Variants in CBFA2T2 observed in about 807,000 individuals in gnomAD.
The protein encoded by CBFA2T2 is CBFA2/RUNX1 partner transcriptional co-repressor 2.
Under a neutral mutation model 62.2 loss-of-function variants are expected in CBFA2T2, and 11 were observed. The observed-to-expected ratio is 0.18, with a 90% CI of 0.11 to 0.29. The LOEUF (loss-of-function observed/expected upper bound fraction) is 0.29. Among genes scored for constraint, CBFA2T2 ranks in the 10% least tolerant of loss-of-function variants. The probability of loss-of-function intolerance (pLI) is 1.00; values close to 1 mark genes in which losing one functional copy is unlikely to be tolerated. For missense variants in CBFA2T2, 592 were observed against 774.1 expected (o/e 0.76, Z 2.79); for synonymous variants, 295 against 287.5 (o/e 1.03, Z -0.27).
At chr20:33,619,950 AGT>A (rs1195757348) in intron 4 of CBFA2T2, among the ~76,000 whole-genome samples, 1 of 152,136 alleles carries the variant, frequency 6.6e-6, no homozygotes, top group Non-Finnish European at 1.5e-5. Context: ...GTATAGTCAG[AGT>A]GTGAAGAGTG....
chr20:33,585,897 A>G (rs2014345960), intron 1 of CBFA2T2, among the ~76,000 whole-genome samples: 1 of 152,212 alleles, frequency 6.6e-6, no homozygotes, highest in Admixed American at 6.5e-5. Flanking sequence ...GGTTGAGGAA[A>G]TGTGGGGAAA....
In CBFA2T2 at chr20:33,636,283, G is replaced by A. The variant is rs181015378; in HGVS notation, c.1229-357G>A. On this transcript the variant is annotated intron_variant, in intron 8 of 10. Transcript: ENST00000342704. The stretch of plus-strand genomic sequence containing the variant: ...CAAAAAAAAAAAAAAAAAAAAATCT[G>A]TGTGCATTTATGTTTTATACATTTA... Among the ~76,000 whole-genome samples the A allele has an allele frequency of 1.9e-3, 280 of 149,760 alleles. 1 individual carries two copies. The highest frequency in any genetic ancestry group is 3.0e-3 in the Non-Finnish European group (202 of 67,416).
At chr20:33,535,595 G>C (rs2012183261) in intron 1 of CBFA2T2, among the ~76,000 whole-genome samples, 1 of 141,174 alleles carries the variant, frequency 7.1e-6, no homozygotes, top group African/African-American at 3.0e-5. Flanking sequence ...GGCATGGATT[G>C]AGTTTTATTT....
intron 9 of CBFA2T2, chr20:33,639,583 AAAAG>A (rs1257930844): frequency 6.8e-6 from 1 of 147,218 alleles, no homozygotes; most frequent in Non-Finnish European, 1.5e-5. Context: ...CAAAAAAAAA[AAAAG>A]AAAATAAGTT....
intron 5 of CBFA2T2, 52 bp downstream of exon 5, chr20:33,623,348 C>T (rs372314464): frequency 9.5e-6 from 15 of 1,585,874 alleles, no homozygotes; most frequent in Non-Finnish European, 1.3e-5. Flanking sequence ...CACTGGTCCT[C>T]CCCTTTGCTT....
chr20:33,539,081 A>G (rs909488726), intron 1 of CBFA2T2, among the ~76,000 whole-genome samples: 4 of 152,156 alleles, frequency 2.6e-5, no homozygotes, highest in Admixed American at 6.5e-5. Context: ...CCCACTTAAA[A>G]TTATAGTTGG....
intron 1 of CBFA2T2, among the ~76,000 whole-genome samples, chr20:33,553,600 C>T (rs2012801461): frequency 6.6e-6 from 1 of 152,170 alleles, no homozygotes; most frequent in African/African-American, 2.4e-5. Context: ...CGATCTCTGT[C>T]CCAACCCTGC....
chr20:33,496,361 C>T (rs1413606392), intron 1 of CBFA2T2, among the ~76,000 whole-genome samples: 1 of 152,240 alleles, frequency 6.6e-6, no homozygotes, highest in Non-Finnish European at 1.5e-5. Context: ...GAACTTTTCA[C>T]ACCACCACAG....
intron 1 of CBFA2T2, among the ~76,000 whole-genome samples, chr20:33,532,582 A>G (rs2012093540): frequency 6.6e-6 from 1 of 152,244 alleles, no homozygotes; most frequent in Non-Finnish European, 1.5e-5. Context: ...GTCTCTTTGA[A>G]TGTTCACTAT....
rs375818342 is a variant in CBFA2T2 at position 33,624,742 on chromosome 20, C to G, written c.693-22C>G. On this transcript the variant is annotated intron_variant, in intron 5 of 10. Transcript: ENST00000342704. The stretch of plus-strand genomic sequence containing the variant: ...GAACACTTGTTGACAGGATCAGATA[C>G]GCACTTCTGCTTCTTCTACAGGAGA... The G allele has an allele frequency of 1.9e-6, 3 of 1,612,086 alleles. No homozygotes were observed. The South Asian group carries it at 3.3e-5, about 18-fold the overall frequency.
At chr20:33,538,356 T>C (rs1242294092) in intron 1 of CBFA2T2, among the ~76,000 whole-genome samples, 1 of 152,058 alleles carries the variant, frequency 6.6e-6, no homozygotes, top group Admixed American at 6.6e-5. Context: ...GGAGATTCCA[T>C]TGGATTTTCT....
chr20:33,518,354 A>C (rs1300939582), intron 1 of CBFA2T2, among the ~76,000 whole-genome samples: 1 of 152,150 alleles, frequency 6.6e-6, no homozygotes, highest in East Asian at 1.9e-4. Context: ...TTGTGGGATA[A>C]AATTAAATAT....
intron 1 of CBFA2T2, among the ~76,000 whole-genome samples, chr20:33,527,630 C>T (rs113722756): frequency 0.051 from 7,695 of 152,118 alleles, 513 homozygotes; most frequent in Admixed American, 0.16. Context: ...GTCTCAGGCT[C>T]CCAAAATGCT....
rs574169181 is a variant in CBFA2T2, at chr20:33,521,797, A to C, written c.34+31496A>C. ...GTCTGGATAGTAACAGCAAAATTGAACAAAAAAAGATGTAAATTTGAGCTG... is the reference window on the plus strand; with the variant it reads ...GTCTGGATAGTAACAGCAAAATTGACCAAAAAAAGATGTAAATTTGAGCTG... On this transcript the variant is annotated intron_variant, in intron 1 of 10. Coordinates refer to ENST00000342704, the MANE Select transcript of CBFA2T2 (RefSeq NM_001032999.3). 2.2e-4 allele frequency among the ~76,000 whole-genome samples: 34 copies of C among 151,840 alleles called. No individual in the cohort carries two copies. In the South Asian group the frequency reaches 7.1e-3, roughly 32 times the overall value.
intron 8 of CBFA2T2, among the ~76,000 whole-genome samples, chr20:33,631,128 C>T (rs2016433505): frequency 1.3e-5 from 2 of 152,106 alleles, no homozygotes; most frequent in African/African-American, 4.8e-5. Flanking sequence ...TCCTGGCTAA[C>T]ACGGTGAAAC....
chr20:33,529,548 A>T (rs2011985411), intron 1 of CBFA2T2, among the ~76,000 whole-genome samples: 1 of 151,466 alleles, frequency 6.6e-6, no homozygotes. Context: ...AGGCAGGTGA[A>T]TCTCTTGAGC....
intron 1 of CBFA2T2, chr20:33,573,908 A>G (rs6579116): frequency 0.073 from 21,286 of 291,622 alleles, 3,486 homozygotes; most frequent in African/African-American, 0.37. Context: ...AGCCTCCCGA[A>G]TAGCTAGGAC....
At chr20:33,599,950 G>T (rs1291229089) in intron 1 of CBFA2T2, among the ~76,000 whole-genome samples, 1 of 151,978 alleles carries the variant, frequency 6.6e-6, no homozygotes, top group African/African-American at 2.4e-5. Flanking sequence ...TAAATTGTTT[G>T]TCATTATAAA....
chr20:33,640,605 T>C (rs1163804110), intron 10 of CBFA2T2, 74 bp downstream of exon 10: 27 of 1,400,222 alleles, frequency 1.9e-5, no homozygotes, highest in Non-Finnish European at 2.4e-5. Context: ...TCTCATACGC[T>C]GGGCAGGAAG....
Sources: allele counts gnomAD v4.1 joint callset (sites outside exome capture counted in the v4.1 genomes callset), GRCh38; gene constraint gnomAD v4.1.1; transcripts MANE v1.5; gene names NCBI Gene and HGNC (gene_info 2026-07-23, HGNC 2026-07-21).